The following PARD3B variants were observed in gnomAD, a reference collection of about 807,000 sequenced individuals.
PARD3B encodes partitioning defective 3 homolog B.
Under a neutral mutation model 130.2 loss-of-function variants are expected in PARD3B, and 103 were observed. That is an observed-to-expected ratio of 0.79 (90% CI 0.67 to 0.93). The LOEUF is 0.93. Among genes scored for constraint, PARD3B ranks in the 40% least tolerant of loss-of-function variants. PARD3B has a pLI of 0.00. For synonymous variants in PARD3B, 583 were observed against 553.2 expected (o/e 1.05, Z -0.76); for missense variants, 1,609 against 1,499.2 (o/e 1.07, Z -1.21).
At chr2:205,442,881 A>T (rs75182313) in intron 20 of PARD3B, among the ~76,000 whole-genome samples, 254 of 152,322 alleles carry the variant, frequency 1.7e-3, no homozygotes, top group Non-Finnish European at 2.9e-3. Flanking sequence ...CATATGTGTA[A>T]AAGAGTGTTA....
At chr2:204,759,746 A>G (rs907202839) in intron 2 of PARD3B, among the ~76,000 whole-genome samples, 1 of 152,132 alleles carries the variant, frequency 6.6e-6, no homozygotes, top group Non-Finnish European at 1.5e-5. Context: ...AGATGCCACT[A>G]ATTTTATATT....
intron 18 of PARD3B, among the ~76,000 whole-genome samples, chr2:205,308,433 C>T (rs1187384391): frequency 6.6e-5 from 10 of 151,872 alleles, no homozygotes; most frequent in Admixed American, 6.6e-5. Flanking sequence ...GGTGAAACCC[C>T]GTCTCTACTA....
intron 3 of PARD3B, among the ~76,000 whole-genome samples, chr2:204,991,638 T>C (rs1379102960): frequency 6.7e-6 from 1 of 149,036 alleles, no homozygotes; most frequent in African/African-American, 2.5e-5. Flanking sequence ...TCTAGATCCC[T>C]GAGGAATCGC....
At chr2:205,567,495 TGTA>T (rs1559224762) in intron 22 of PARD3B, among the ~76,000 whole-genome samples, 24 of 141,934 alleles carry the variant, frequency 1.7e-4, no homozygotes, top group Non-Finnish European at 2.2e-4. Flanking sequence ...TTTTTTTTTT[TGTA>T]TTTTTAGTGG....
In PARD3B at chr2:205,458,654, C is replaced by T. The variant is rs1260693355; in HGVS notation, c.3044+17982C>T. Among the ~76,000 whole-genome samples the T allele has an allele frequency of 6.6e-6, 1 of 152,140 alleles. No homozygotes were observed. Among genetic ancestry groups the T allele is most frequent in the Non-Finnish European group, 1.5e-5 (1 of 68,032 alleles). ...ATTGCAGTTATTTTAAGAACCATGT[C>T]TAATAATGTCACTATCTGAATAATG... is the stretch of plus-strand genomic sequence containing the variant. On this transcript the variant is annotated intron_variant, in intron 20 of 22. Coordinates refer to ENST00000406610, the MANE Select transcript of PARD3B (RefSeq NM_001302769.2). The surrounding 1 kb of genome is among the most constrained non-coding windows in gnomAD (Gnocchi z 4.8).
At chr2:204,971,396 T>C (rs919528669) in intron 3 of PARD3B, among the ~76,000 whole-genome samples, 3 of 152,170 alleles carry the variant, frequency 2.0e-5, no homozygotes, top group Non-Finnish European at 2.9e-5. Flanking sequence ...CTACAAAGCA[T>C]ATAAGCATGT....
intron 15 of PARD3B, among the ~76,000 whole-genome samples, chr2:205,208,582 A>G (rs1199279598): frequency 1.4e-5 from 2 of 143,402 alleles, no homozygotes; most frequent in African/African-American, 5.4e-5. Context: ...ATAACAGACA[A>G]ACAGAGAGCC....
chr2:204,780,925 G>T (rs568076075), intron 2 of PARD3B, among the ~76,000 whole-genome samples: 1 of 152,140 alleles, frequency 6.6e-6, no homozygotes, highest in East Asian at 1.9e-4. Context: ...GTGAAGCTCG[G>T]CAAGGATTGC....
intron 15 of PARD3B, among the ~76,000 whole-genome samples, chr2:205,199,191 T>C (rs1053428955): frequency 6.6e-6 from 1 of 152,094 alleles, no homozygotes; most frequent in African/African-American, 2.4e-5. Flanking sequence ...ACTGGAGATG[T>C]GGTAAATAAA....
intron 3 of PARD3B, among the ~76,000 whole-genome samples, chr2:205,020,889 G>A (rs144495414): frequency 2.6e-5 from 4 of 152,192 alleles, no homozygotes; most frequent in Admixed American, 2.6e-4. Flanking sequence ...AGGTTAATAC[G>A]AGCAGGCTAA....
chr2:204,668,274 T>C (rs879918457), intron 1 of PARD3B, among the ~76,000 whole-genome samples: 3 of 152,228 alleles, frequency 2.0e-5, no homozygotes, highest in Non-Finnish European at 4.4e-5. Context: ...TTCTGATTGA[T>C]TAGCGCTTCT....
At chr2:205,466,742 C>G (rs144803772) in intron 20 of PARD3B, among the ~76,000 whole-genome samples, 2,703 of 152,312 alleles carry the variant, frequency 0.018, 38 homozygotes, top group Middle Eastern at 0.034. Context: ...GACGAAGTCT[C>G]GCTCTTGTTG....
chr2:205,305,150 T>C (rs2042145680), intron 18 of PARD3B, among the ~76,000 whole-genome samples: 1 of 152,202 alleles, frequency 6.6e-6, no homozygotes, highest in African/African-American at 2.4e-5. Flanking sequence ...ATTGCTCATT[T>C]CCAAATTGCA....
chr2:205,158,654 C>T lies in PARD3B; in HGVS notation c.1435-68C>T. 7.0e-7 allele frequency: 1 copy of T among 1,435,464 alleles called. No homozygotes were observed. Among genetic ancestry groups the T allele is most frequent in the Non-Finnish European group, 9.6e-7 (1 of 1,045,024 alleles). 88.9% of individuals were successfully genotyped at this position (1,435,464 alleles called of 1,614,324 possible). The stretch of plus-strand genomic sequence containing the variant: ...CCTACTGATTGCATCTGTGTCTGGT[C>T]ATCTGAGAGAGTGAAATATTAATCT... On this transcript the variant is annotated intron_variant, in intron 10 of 22. Coordinates refer to ENST00000406610, the MANE Select transcript of PARD3B (RefSeq NM_001302769.2). This position sits in a 1 kb window ranked among gnomAD's most constrained non-coding sequence, Gnocchi z 5.4.
In PARD3B at chr2:205,241,820, A is replaced by T. The variant is rs1435718844; in HGVS notation, c.2141-3958A>T. On this transcript the variant is annotated intron_variant, in intron 15 of 22. Transcript: ENST00000406610. The surrounding 1 kb of genome is among the most constrained non-coding windows in gnomAD (Gnocchi z 4.2). The stretch of plus-strand genomic sequence containing the variant: ...ATTTCATATCACTACCATTCCAATC[A>T]CTGTGCTAAATATTATGCAGTGAAA... 6.6e-6 allele frequency among the ~76,000 whole-genome samples: 1 copy of T among 152,172 alleles called. No homozygotes were observed. Among genetic ancestry groups the T allele is most frequent in the Non-Finnish European group, 1.5e-5 (1 of 68,000 alleles).
chr2:205,472,418 G>C (rs1217187817), intron 20 of PARD3B, among the ~76,000 whole-genome samples: 2 of 152,106 alleles, frequency 1.3e-5, no homozygotes, highest in Non-Finnish European at 1.5e-5. Flanking sequence ...TGTTAAAACA[G>C]TGAAATTTTC....
chr2:204,586,078 A>G (rs1422057629), intron 1 of PARD3B, among the ~76,000 whole-genome samples: 2 of 152,230 alleles, frequency 1.3e-5, no homozygotes, highest in East Asian at 3.9e-4. Flanking sequence ...GCCTGCTGTT[A>G]TAACAGTAGC....
In PARD3B at chr2:204,907,910, C is replaced by A. The variant is rs2047093999; in HGVS notation, c.223-57242C>A. ...AGAGATAAGCTTTCATTATGTTGGC[C>A]AGGCTGGTCTCAAACTCCTGGCCTC... is the stretch of plus-strand genomic sequence containing the variant. On this transcript the variant is annotated intron_variant, in intron 2 of 22. Transcript: ENST00000406610. This position sits in a 1 kb window ranked among gnomAD's most constrained non-coding sequence, Gnocchi z 5.7. Among the ~76,000 whole-genome samples, 1 of 152,092 alleles carries A rather than the reference C, an allele frequency of 6.6e-6. No individual in the cohort carries two copies.
chr2:205,616,132 T>C lies in PARD3B; in HGVS notation c.*319T>C. 3.3e-6 allele frequency: 1 copy of C among 301,916 alleles called. No individual in the cohort carries two copies. The allele number at this position is 301,916 out of a possible 1,614,324, so 18.7% of individuals were successfully genotyped here. ...CAAACAACTAATTATGGAACTCTAC[T>C]CTGGGGATCCTCTCTGGCTAGATAA... On this transcript the variant is annotated 3_prime_UTR_variant, in exon 23 of 23. Coordinates refer to ENST00000406610, the MANE Select transcript of PARD3B (RefSeq NM_001302769.2).
Sources: allele counts gnomAD v4.1 joint callset (sites outside exome capture counted in the v4.1 genomes callset), GRCh38; gene constraint gnomAD v4.1.1; non-coding constraint Gnocchi (gnomAD v3.1); transcripts MANE v1.5; gene names NCBI Gene and HGNC (gene_info 2026-07-23, HGNC 2026-07-21).